Variants in LYPLAL1 observed in about 807,000 individuals in gnomAD.
LYPLAL1 encodes lysophospholipase like 1.
Under a neutral mutation model 19.7 loss-of-function variants are expected in LYPLAL1, and 23 were observed. That is an observed-to-expected ratio of 1.17 (90% CI 0.84 to 1.65). The LOEUF is 1.65. Among genes scored for constraint, LYPLAL1 ranks in the 40% most tolerant of loss-of-function variants. The pLI is 0.00. For missense variants in LYPLAL1, 355 were observed against 279.4 expected (o/e 1.27, Z -1.93); for synonymous variants, 119 against 96.3 (o/e 1.24, Z -1.38).
the LYPLAL1 span, among the ~76,000 whole-genome samples, chr1:219,234,995 A>T: frequency 6.6e-6 from 1 of 152,156 alleles, no homozygotes; most frequent in African/African-American, 2.4e-5. Context: ...AGCCACTTAA[A>T]ATTATTACTA....
chr1:219,196,798 A>G (rs1021826487), intron 3 of LYPLAL1, among the ~76,000 whole-genome samples: 5 of 152,278 alleles, frequency 3.3e-5, no homozygotes, highest in Non-Finnish European at 7.4e-5. Flanking sequence ...AACTTAAGGA[A>G]AGTCTCAGGA....
At chr1:219,439,965 A>G in the LYPLAL1 span, among the ~76,000 whole-genome samples, 1 of 123,410 alleles carries the variant, frequency 8.1e-6, no homozygotes, top group East Asian at 2.1e-4. Context: ...CTGACTATAT[A>G]TATATATACA....
At chr1:219,356,376 T>G in the LYPLAL1 span, among the ~76,000 whole-genome samples, 1 of 152,112 alleles carries the variant, frequency 6.6e-6, no homozygotes, top group Non-Finnish European at 1.5e-5. Context: ...GATGCGCACC[T>G]GTAGTCCCAG....
chr1:219,190,935 A>G (rs1197492481), intron 2 of LYPLAL1, among the ~76,000 whole-genome samples: 1 of 151,532 alleles, frequency 6.6e-6, no homozygotes, highest in Non-Finnish European at 1.5e-5. Flanking sequence ...TCCAAGGAAA[A>G]GGAATGTTCT....
At chr1:219,410,305 A>T in the LYPLAL1 span, 7 of 152,244 alleles carry the variant, frequency 4.6e-5, no homozygotes, top group African/African-American at 7.2e-5. Context: ...GAAATCATTT[A>T]ACCTTTTATT....
At chr1:219,282,323 A>G in the LYPLAL1 span, among the ~76,000 whole-genome samples, 1 of 152,106 alleles carries the variant, frequency 6.6e-6, no homozygotes, top group Non-Finnish European at 1.5e-5. Flanking sequence ...AATGGGAGGG[A>G]AAAAGATAAG....
At chr1:219,274,399 G>A in the LYPLAL1 span, among the ~76,000 whole-genome samples, 1 of 152,014 alleles carries the variant, frequency 6.6e-6, no homozygotes, top group Admixed American at 6.5e-5. Context: ...TTGCTTGTTT[G>A]TTTTGAGATG....
At chr1:219,178,883 G>A (rs187933337) in intron 1 of LYPLAL1, among the ~76,000 whole-genome samples, 1 of 134,290 alleles carries the variant, frequency 7.4e-6, no homozygotes, top group African/African-American at 2.7e-5. Context: ...AACAAATTAG[G>A]TAACTTAAAA....
the LYPLAL1 span, among the ~76,000 whole-genome samples, chr1:219,405,148 C>T: frequency 3.9e-5 from 6 of 152,292 alleles, no homozygotes; most frequent in East Asian, 1.2e-3. Flanking sequence ...TGTCATTGTA[C>T]ACATTTTCAT....
chr1:219,398,433 C>T, the LYPLAL1 span, among the ~76,000 whole-genome samples: 1 of 152,168 alleles, frequency 6.6e-6, no homozygotes, highest in Non-Finnish European at 1.5e-5. Flanking sequence ...ATACTGGCTA[C>T]TTTGTCTGTC....
chr1:219,317,644 A>T, the LYPLAL1 span, among the ~76,000 whole-genome samples: 3 of 152,226 alleles, frequency 2.0e-5, no homozygotes, highest in South Asian at 4.1e-4. Flanking sequence ...TCAAAAATAA[A>T]TAAATAAGCT....
the LYPLAL1 span, among the ~76,000 whole-genome samples, chr1:219,238,939 G>T: frequency 6.6e-6 from 1 of 152,120 alleles, no homozygotes; most frequent in African/African-American, 2.4e-5. Context: ...TTTAAAATAT[G>T]GCAAATATAT....
At chr1:219,322,554 T>C in the LYPLAL1 span, among the ~76,000 whole-genome samples, 1 of 152,164 alleles carries the variant, frequency 6.6e-6, no homozygotes. Context: ...TGTTATATCT[T>C]GAATGCTTTT....
At chr1:219,439,992 C>CATATATATATAT in the LYPLAL1 span, among the ~76,000 whole-genome samples, 57 of 32,364 alleles carry the variant, frequency 1.8e-3, no homozygotes, top group African/African-American at 4.8e-3. Context: ...TATATATATA[C>CATATATATATAT]ACACATATAT....
the LYPLAL1 span, among the ~76,000 whole-genome samples, chr1:219,273,748 TTGTA>T: frequency 2.0e-5 from 3 of 152,250 alleles, no homozygotes; most frequent in Admixed American, 2.0e-4. Context: ...ACAGTGGTCT[TTGTA>T]TGTGTTTATT....
At chr1:219,325,001 C>A in the LYPLAL1 span, among the ~76,000 whole-genome samples, 6 of 152,154 alleles carry the variant, frequency 3.9e-5, no homozygotes, top group African/African-American at 1.2e-4. Flanking sequence ...AATACACCAA[C>A]CTTCTTAACC....
chr1:219,375,253 G>A, the LYPLAL1 span, among the ~76,000 whole-genome samples: 1 of 152,068 alleles, frequency 6.6e-6, no homozygotes, highest in Non-Finnish European at 1.5e-5. Context: ...GATCACCTTA[G>A]GTCAGGAGTT....
At chr1:219,192,375 T>C (rs1256389015) in intron 2 of LYPLAL1, among the ~76,000 whole-genome samples, 1 of 151,644 alleles carries the variant, frequency 6.6e-6, no homozygotes, top group Non-Finnish European at 1.5e-5. Context: ...GTGTCTGGGT[T>C]CATCAAAGGG....
the LYPLAL1 span, among the ~76,000 whole-genome samples, chr1:219,333,975 T>C: frequency 6.6e-6 from 1 of 152,160 alleles, no homozygotes; most frequent in South Asian, 2.1e-4. Flanking sequence ...TAGGGCAATG[T>C]CTCTCAACTT....
Sources: allele counts gnomAD v4.1 joint callset (sites outside exome capture counted in the v4.1 genomes callset), GRCh38; gene constraint gnomAD v4.1.1; transcripts MANE v1.5; gene names NCBI Gene and HGNC (gene_info 2026-07-23, HGNC 2026-07-21).